SNTG2: variants seen among roughly 807,000 people sequenced by gnomAD.
SNTG2 encodes syntrophin gamma 2.
In SNTG2, 74 loss-of-function variants were observed where a neutral mutation model predicts 70.9. The observed-to-expected ratio is 1.04, with a 90% CI of 0.86 to 1.27. SNTG2 has a LOEUF of 1.27. Among genes scored for constraint, SNTG2 ranks in the 50% most tolerant of loss-of-function variants. SNTG2 has a pLI of 0.00. For missense variants in SNTG2, 717 were observed against 690.7 expected, an observed-to-expected ratio of 1.04 and a Z score of -0.43; for synonymous variants, 278 against 273.8, an observed-to-expected ratio of 1.02 and a Z score of -0.15.
chr2:1,116,716 G>C (rs1419883777), intron 4 of SNTG2, among the ~76,000 whole-genome samples: 6 of 149,478 alleles, frequency 4.0e-5, no homozygotes, highest in Admixed American at 3.3e-4. Flanking sequence ...GTGTATGGGT[G>C]CCCTGGTGTG....
intron 1 of SNTG2, among the ~76,000 whole-genome samples, chr2:1,029,053 G>A (rs528358419): frequency 6.6e-6 from 1 of 152,278 alleles, no homozygotes; most frequent in South Asian, 2.1e-4. Flanking sequence ...AGGGGCTCCG[G>A]CGGCCTGGAC....
chr2:1,037,401 A>T (rs553881456), intron 1 of SNTG2, among the ~76,000 whole-genome samples: 1 of 152,288 alleles, frequency 6.6e-6, no homozygotes, highest in Non-Finnish European at 1.5e-5. Context: ...AAAGGGTGTG[A>T]TTCAGTGTTT....
intron 14 of SNTG2, among the ~76,000 whole-genome samples, chr2:1,273,574 C>T (rs1205330030): frequency 2.0e-5 from 3 of 151,586 alleles, no homozygotes; most frequent in East Asian, 1.9e-4. Flanking sequence ...ACAAATTATG[C>T]TGGGATAATT....
rs889220366 is a variant in SNTG2, at chr2:1,215,501, A to AT, written c.719+6279dup. ...TGTGATAGGTTGTATGTTTCTAGGA[A>AT]TTTTTTTTAACATTTTTAAAAGCGT... On this transcript the variant is annotated intron_variant, in intron 9 of 16. Transcript: ENST00000308624. 7.8e-4 allele frequency among the ~76,000 whole-genome samples: 117 copies of AT among 150,680 alleles called. 1 individual carries two copies. The highest frequency in any genetic ancestry group is 2.6e-3 in the African/African-American group (108 of 40,966).
chr2:1,164,397 G>A (rs1169789544), intron 6 of SNTG2, among the ~76,000 whole-genome samples: 3 of 122,500 alleles, frequency 2.4e-5, no homozygotes, highest in Admixed American at 1.6e-4. Context: ...GGCGAGGTGG[G>A]ATATGCCTGG....
At chr2:1,059,225 ATC>A (rs1417284971) in intron 1 of SNTG2, 1 of 152,230 alleles carries the variant, frequency 6.6e-6, no homozygotes, top group Non-Finnish European at 1.5e-5. Flanking sequence ...ACCTTCTGCC[ATC>A]TCTTAGAGCT....
intron 2 of SNTG2, among the ~76,000 whole-genome samples, chr2:1,085,920 G>A (rs548207075): frequency 6.6e-6 from 1 of 152,270 alleles, no homozygotes; most frequent in Non-Finnish European, 1.5e-5. Flanking sequence ...GTGGGATGCT[G>A]TATATTACAC....
intron 12 of SNTG2, among the ~76,000 whole-genome samples, chr2:1,255,482 C>G (rs961962738): frequency 6.6e-6 from 1 of 152,066 alleles, no homozygotes; most frequent in Admixed American, 6.6e-5. Context: ...CCCAGAGATG[C>G]CGAGGCTGTT....
At chr2:1,234,132 GGAAACTCGGAGGAAACCGT>G (rs912117530) in intron 9 of SNTG2, among the ~76,000 whole-genome samples, 3 of 152,174 alleles carry the variant, frequency 2.0e-5, no homozygotes, top group African/African-American at 2.4e-5. Flanking sequence ...GAGCCACGGA[GGAAACTCGGAGGAAACCGT>G]GAAACTCGGA....
chr2:1,333,697 C>G (rs570093029), intron 16 of SNTG2, among the ~76,000 whole-genome samples: 2 of 152,258 alleles, frequency 1.3e-5, no homozygotes, highest in South Asian at 4.1e-4. Flanking sequence ...AAAGAGAACT[C>G]TATTCAATAT....
chr2:1,042,491 A>T (rs1249153384), intron 1 of SNTG2, among the ~76,000 whole-genome samples: 1 of 152,104 alleles, frequency 6.6e-6, no homozygotes, highest in East Asian at 1.9e-4. Context: ...AATAGTACTC[A>T]ATAGGTAGTT....
At chr2:1,309,185 A>G (rs1423535674) in intron 15 of SNTG2, among the ~76,000 whole-genome samples, 1 of 152,238 alleles carries the variant, frequency 6.6e-6, no homozygotes, top group Non-Finnish European at 1.5e-5. Flanking sequence ...AAAAAATTTC[A>G]ACAAATCGAG....
chr2:977,730 C>T (rs1158145336), intron 1 of SNTG2, among the ~76,000 whole-genome samples: 1 of 152,114 alleles, frequency 6.6e-6, no homozygotes, highest in East Asian at 1.9e-4. Flanking sequence ...CTTAACTAGA[C>T]CTTACCGAGA....
intron 14 of SNTG2, among the ~76,000 whole-genome samples, chr2:1,296,932 A>C (rs1680243578): frequency 1.3e-5 from 2 of 152,220 alleles, no homozygotes; most frequent in Non-Finnish European, 2.9e-5. Flanking sequence ...TACAGGACAC[A>C]GAAAATTATT....
intron 8 of SNTG2, among the ~76,000 whole-genome samples, chr2:1,177,706 A>T (rs1341476809): frequency 6.6e-6 from 1 of 152,136 alleles, no homozygotes; most frequent in African/African-American, 2.4e-5. Context: ...CAAAAAAGAG[A>T]TAATTATTTC....
rs138551627 is a variant in SNTG2, at chr2:1,183,965, A to G, written c.591+10782A>G. On this transcript the variant is annotated intron_variant, in intron 8 of 16. Transcript: ENST00000308624. ...TGTTAGGAAGGGCTGTCAAAACCCTATTTCCTACAAAAAATATAAAATAGT... is the reference window on the plus strand; with the variant it reads ...TGTTAGGAAGGGCTGTCAAAACCCTGTTTCCTACAAAAAATATAAAATAGT... Among the ~76,000 whole-genome samples the G allele has an allele frequency of 1.7e-3, 258 of 152,292 alleles. 2 individuals carry two copies. The highest frequency in any genetic ancestry group is 5.8e-3 in the African/African-American group (242 of 41,566).
chr2:1,133,927 T>TA (rs1411997357), intron 4 of SNTG2, among the ~76,000 whole-genome samples: 1 of 152,180 alleles, frequency 6.6e-6, no homozygotes, highest in African/African-American at 2.4e-5. Flanking sequence ...CGGTGAGTGT[T>TA]ACAGTAAAGA....
At chr2:1,319,895 G>C (rs947605292) in intron 16 of SNTG2, among the ~76,000 whole-genome samples, 1 of 152,196 alleles carries the variant, frequency 6.6e-6, no homozygotes, top group African/African-American at 2.4e-5. Context: ...AGGAGTCCAC[G>C]GGAATGAATT....
intron 4 of SNTG2, among the ~76,000 whole-genome samples, chr2:1,105,962 ATAG>A (rs1375038323): frequency 2.0e-5 from 3 of 152,262 alleles, no homozygotes; most frequent in Admixed American, 6.5e-5. Flanking sequence ...CTCCTTGGTA[ATAG>A]TGGGCGCACA....
Sources: gnomAD v4.1 joint callset for allele counts (sites outside exome capture counted in the v4.1 genomes callset) on GRCh38, gnomAD v4.1.1 for gene constraint, MANE v1.5 for transcripts, NCBI Gene and HGNC (gene_info 2026-07-23, HGNC 2026-07-21) for gene names.